The following CCDC171 variants were observed in gnomAD, a reference collection of about 807,000 sequenced individuals.
CCDC171 encodes coiled-coil domain-containing protein 171.
A neutral mutation model predicts 168.2 loss-of-function variants in CCDC171; 177 were observed. That is an observed-to-expected ratio of 1.05 (90% CI 0.93 to 1.19). The LOEUF is 1.19. Ranked by LOEUF, CCDC171 falls within the 50% of genes most tolerant of loss-of-function variation. CCDC171 has a pLI of 0.00. For synonymous variants in CCDC171, 687 were observed against 540.8 expected (o/e 1.27, Z -3.75); for missense variants, 1,991 against 1,539.0 (o/e 1.29, Z -4.91).
intron 1 of CCDC171, among the ~76,000 whole-genome samples, chr9:16,049,716 C>T (rs1301124012): frequency 6.6e-6 from 1 of 152,116 alleles, no homozygotes; most frequent in Non-Finnish European, 1.5e-5. Context: ...GGGTCTCCAG[C>T]TTGCAGATGG....
At chr9:15,843,486 A>T (rs1043601519) in intron 21 of CCDC171, among the ~76,000 whole-genome samples, 7 of 152,084 alleles carry the variant, frequency 4.6e-5, no homozygotes, top group Non-Finnish European at 1.0e-4. Flanking sequence ...TTAAGACCTG[A>T]GTACAAAATG....
intron 18 of CCDC171, among the ~76,000 whole-genome samples, chr9:15,763,881 T>C (rs1251596227): frequency 2.6e-5 from 4 of 152,218 alleles, no homozygotes; most frequent in Non-Finnish European, 4.4e-5. Context: ...AATATTCATA[T>C]ACATGTCTTT....
At chr9:15,942,090 A>C (rs1476218816) in intron 25 of CCDC171, among the ~76,000 whole-genome samples, 1 of 151,864 alleles carries the variant, frequency 6.6e-6, no homozygotes, top group African/African-American at 2.4e-5. Context: ...TCTCTCCCCA[A>C]ACATCCTCTT....
intron 14 of CCDC171, among the ~76,000 whole-genome samples, chr9:15,726,988 C>G (rs1175575529): frequency 6.6e-6 from 1 of 152,094 alleles, no homozygotes; most frequent in Non-Finnish European, 1.5e-5. Flanking sequence ...CTCATGTGTT[C>G]AAATGTGATC....
intron 1 of CCDC171, among the ~76,000 whole-genome samples, chr9:16,049,472 G>A (rs1833716325): frequency 1.3e-5 from 2 of 152,204 alleles, no homozygotes; most frequent in Admixed American, 6.5e-5. Flanking sequence ...TCAGCCAGGA[G>A]CCTAAAGAGA....
At chr9:15,810,512 CG>C (rs2059300057) in intron 21 of CCDC171, among the ~76,000 whole-genome samples, 1 of 151,854 alleles carries the variant, frequency 6.6e-6, no homozygotes, top group South Asian at 2.1e-4. Flanking sequence ...GGGTGGGGCT[CG>C]GGCATGGCGG....
intron 3 of CCDC171, among the ~76,000 whole-genome samples, chr9:16,001,298 CCT>C (rs1014079592): frequency 7.9e-5 from 12 of 151,968 alleles, no homozygotes; most frequent in African/African-American, 2.9e-4. Context: ...AAATGCAGAG[CCT>C]CTCTCTCTTG....
rs770630768 is a variant in CCDC171, at chr9:15,744,303, G to C, written c.2080G>C (p.Glu694Gln). ...KFQEIAEKNM[E>Q]KLNHIEKSHE... ...TCAAGAAATTGCTGAAAAAAACATG[G>C]AAAAATTGAACCATATTGAGAAGTC... The change falls in exon 17 of 26, where the codon GAA becomes CAA. Residue 694 changes from glutamate to glutamine, a missense_variant. Glu to Gln is a conservative substitution (Grantham distance 29, BLOSUM62 2). Coordinates refer to ENST00000380701, the MANE Select transcript of CCDC171 (RefSeq NM_173550.4). The C allele has an allele frequency of 6.3e-7, 1 of 1,584,748 alleles. No individual in the cohort carries two copies. Among genetic ancestry groups the C allele is most frequent in the Non-Finnish European group, 8.6e-7 (1 of 1,169,454 alleles).
chr9:15,590,775 T>TTCCTTCTTTC (rs1554693046), intron 4 of CCDC171, among the ~76,000 whole-genome samples: 3 of 84,790 alleles, frequency 3.5e-5, no homozygotes, highest in Non-Finnish European at 7.5e-5. Flanking sequence ...TTCTTTCTCT[T>TTCCTTCTTTC]TCTTTCTTTC....
intron 3 of CCDC171, among the ~76,000 whole-genome samples, chr9:16,008,790 T>C (rs1832779246): frequency 6.6e-6 from 1 of 152,176 alleles, no homozygotes; most frequent in Non-Finnish European, 1.5e-5. Context: ...AATTGCCTTA[T>C]AGGAGGCCAT....
At position 15,779,001 on chromosome 9, in the gene CCDC171, G is replaced by C. The variant is rs770880939; in HGVS notation, c.2932G>C (p.Gly978Arg). The C allele has an allele frequency of 2.5e-5, 38 of 1,545,684 alleles. No individual in the cohort carries two copies. The highest frequency in any genetic ancestry group is 3.2e-5 in the Non-Finnish European group (37 of 1,148,894). Residue 978 changes from glycine (G) to arginine (R), a missense_variant, in exon 20 of 26, where the codon GGA becomes CGA. Transcript: ENST00000380701. ...AGCATCGTTGCAGAAGCAAATACTTGGATTTACACAAAGACTGCATGCTGC... is the reference window on the plus strand; with the variant it reads ...AGCATCGTTGCAGAAGCAAATACTTCGATTTACACAAAGACTGCATGCTGC... Reference protein sequence around the residue: ...STASLQKQILGFTQRLHAAEV... With the variant: ...STASLQKQILRFTQRLHAAEV...
chr9:15,666,015 T>C, intron 8 of CCDC171, 148 bp from the exon 9 acceptor site: 1 of 628,558 alleles, frequency 1.6e-6, no homozygotes, highest in Admixed American at 3.0e-5. Context: ...TAAACTGTCT[T>C]TTATTTATTT....
intron 6 of CCDC171, among the ~76,000 whole-genome samples, chr9:15,620,934 G>A (rs1353250791): frequency 1.3e-5 from 2 of 150,882 alleles, no homozygotes; most frequent in East Asian, 3.8e-4. Context: ...ATGATGGTTA[G>A]CATTTTTTTT....
chr9:15,721,654 T>G (rs537634300), intron 11 of CCDC171, 115 bp from the exon 12 acceptor site: 5 of 419,832 alleles, frequency 1.2e-5, no homozygotes, highest in African/African-American at 4.1e-5. Context: ...CAAGTATTAA[T>G]AGTTTCATAA....
intron 6 of CCDC171, among the ~76,000 whole-genome samples, chr9:16,029,528 A>C (rs1270971764): frequency 6.6e-6 from 1 of 152,172 alleles, no homozygotes; most frequent in Non-Finnish European, 1.5e-5. Context: ...GCTAAGGTTG[A>C]GGGAATAGGG....
intron 21 of CCDC171, among the ~76,000 whole-genome samples, 176 bp downstream of exon 21, chr9:15,784,870 C>T (rs910867186): frequency 1.3e-5 from 2 of 151,936 alleles, no homozygotes; most frequent in South Asian, 2.1e-4. Context: ...TCACATGCAT[C>T]GAGAAGGTAA....
intron 25 of CCDC171, among the ~76,000 whole-genome samples, chr9:15,965,719 T>C (rs1349315416): frequency 7.6e-6 from 1 of 131,368 alleles, no homozygotes; most frequent in Non-Finnish European, 1.7e-5. Context: ...TTTTTGTGTA[T>C]ATTATTCCAT....
At chr9:15,734,457 G>C (rs2054353100) in intron 16 of CCDC171, among the ~76,000 whole-genome samples, 1 of 152,146 alleles carries the variant, frequency 6.6e-6, no homozygotes, top group African/African-American at 2.4e-5. Flanking sequence ...AGAATCACTT[G>C]AACCCAGGAG....
chr9:15,853,901 T>C (rs757073116), intron 23 of CCDC171, among the ~76,000 whole-genome samples: 11 of 151,632 alleles, frequency 7.3e-5, no homozygotes, highest in Non-Finnish European at 1.3e-4. Flanking sequence ...TTGTACTACC[T>C]AACATGATTT....
Sources: allele counts gnomAD v4.1 joint callset (sites outside exome capture counted in the v4.1 genomes callset), GRCh38; gene constraint gnomAD v4.1.1; transcripts MANE v1.5; gene names NCBI Gene and HGNC (gene_info 2026-07-23, HGNC 2026-07-21).